Variants in GARNL3 observed in about 807,000 individuals in gnomAD.
GARNL3 encodes GTPase-activating Rap/Ran-GAP domain-like protein 3.
Under a neutral mutation model 125.0 loss-of-function variants are expected in GARNL3, and 63 were observed. That is an observed-to-expected ratio of 0.50 (90% CI 0.41 to 0.62). The LOEUF (loss-of-function observed/expected upper bound fraction) is 0.62, where lower values mean the gene tolerates loss of function less well. Among genes scored for constraint, GARNL3 ranks in the 20% least tolerant of loss-of-function variants. The pLI, the probability that GARNL3 is intolerant of heterozygous loss-of-function variation, is 0.00. For missense variants in GARNL3, 994 were observed against 1,244.0 expected, an observed-to-expected ratio of 0.80 and a Z score of 3.02; for synonymous variants, 439 against 457.5, an observed-to-expected ratio of 0.96 and a Z score of 0.52.
intron 7 of GARNL3, among the ~76,000 whole-genome samples, chr9:127,328,129 C>A (rs1426566743): frequency 6.6e-6 from 1 of 152,208 alleles, no homozygotes; most frequent in African/African-American, 2.4e-5. Context: ...CGCCTGTTCA[C>A]TGTTCATTGC....
chr9:127,299,996 G>A, intron 2 of GARNL3: 1 of 219,184 alleles, frequency 4.6e-6, no homozygotes, highest in South Asian at 7.6e-5. Flanking sequence ...GAGCCACCAT[G>A]TCCGGCCATA....
chr9:127,376,515 G>A (rs925149138), intron 22 of GARNL3, among the ~76,000 whole-genome samples: 1 of 152,098 alleles, frequency 6.6e-6, no homozygotes, highest in Non-Finnish European at 1.5e-5. Flanking sequence ...ACCGTGCTGG[G>A]CCAGCCTCTT....
At chr9:127,323,453 G>GC (rs2131526048) in intron 6 of GARNL3, among the ~76,000 whole-genome samples, 1 of 152,302 alleles carries the variant, frequency 6.6e-6, no homozygotes, top group South Asian at 2.1e-4. Flanking sequence ...CCTGAGCTCA[G>GC]CCGGGACTCC....
chr9:127,370,370 A>G (rs956915511), intron 22 of GARNL3, among the ~76,000 whole-genome samples: 2 of 152,232 alleles, frequency 1.3e-5, no homozygotes, highest in African/African-American at 4.8e-5. Flanking sequence ...ACAGGATTCC[A>G]TATGACAGGA....
chr9:127,383,033 G>C (rs1232615835), intron 22 of GARNL3, among the ~76,000 whole-genome samples: 1 of 152,218 alleles, frequency 6.6e-6, no homozygotes, highest in Non-Finnish European at 1.5e-5. Context: ...CAGTCACGCA[G>C]ACCTGTGTTC....
intron 16 of GARNL3, among the ~76,000 whole-genome samples, chr9:127,347,731 A>G (rs114252862): frequency 0.012 from 1,814 of 152,304 alleles, 47 homozygotes; most frequent in African/African-American, 0.042. Context: ...CAGAATTGCC[A>G]GAAATTTTCT....
chr9:127,337,972 G>T, intron 11 of GARNL3, 144 bp from the exon 12 acceptor site: 1 of 661,790 alleles, frequency 1.5e-6, no homozygotes, highest in South Asian at 1.9e-5. Flanking sequence ...AAAGAAGTAT[G>T]GGTTCTGTCC....
chr9:127,382,449 C>T (rs997830473), intron 22 of GARNL3, among the ~76,000 whole-genome samples: 1 of 151,266 alleles, frequency 6.6e-6, no homozygotes, highest in East Asian at 1.9e-4. Context: ...CTTGTCTCTA[C>T]TGAAAAAAAA....
intron 22 of GARNL3, among the ~76,000 whole-genome samples, chr9:127,378,517 G>A (rs1027880935): frequency 6.6e-6 from 1 of 150,886 alleles, no homozygotes; most frequent in African/African-American, 2.4e-5. Flanking sequence ...AACCCAGGAG[G>A]CGGAGGTTGT....
At chr9:127,278,715 C>T (rs1417518547) in intron 1 of GARNL3, among the ~76,000 whole-genome samples, 1 of 152,162 alleles carries the variant, frequency 6.6e-6, no homozygotes, top group East Asian at 1.9e-4. Context: ...ATTCTATTCT[C>T]TTACAGTTCT....
At chr9:127,320,109 C>A (rs533570999) in intron 5 of GARNL3, among the ~76,000 whole-genome samples, 2 of 152,292 alleles carry the variant, frequency 1.3e-5, no homozygotes, top group East Asian at 3.8e-4. Flanking sequence ...TTCTGAGCTT[C>A]AATTTCCTGG....
intron 4 of GARNL3, among the ~76,000 whole-genome samples, chr9:127,314,443 A>G (rs2065178767): frequency 6.6e-6 from 1 of 152,002 alleles, no homozygotes; most frequent in Non-Finnish European, 1.5e-5. Context: ...GCATCCCACA[A>G]TGCCTTCAAA....
At chr9:127,300,898 G>A in intron 2 of GARNL3, 1 of 244,286 alleles carries the variant, frequency 4.1e-6, no homozygotes, top group South Asian at 4.7e-5. Context: ...AGGACTCACA[G>A]TGGGTAATCA....
chr9:127,361,387 G>A (rs765506900), intron 21 of GARNL3, among the ~76,000 whole-genome samples: 1 of 151,994 alleles, frequency 6.6e-6, no homozygotes, highest in East Asian at 1.9e-4. Context: ...AATTACAGGC[G>A]TGAGCCACCA....
chr9:127,263,406 A>G (rs975398312), upstream of GARNL3, among the ~76,000 whole-genome samples: 42 of 152,138 alleles, frequency 2.8e-4, no homozygotes, highest in Non-Finnish European at 1.8e-4. Flanking sequence ...GGGCAGACAC[A>G]GCATTTAGTC....
At position 127,325,104 on chromosome 9, in the gene GARNL3, T is replaced by G. The variant is rs747088577; in HGVS notation, c.594+9T>G. 5 of 1,612,594 alleles carry G rather than the reference T, an allele frequency of 3.1e-6. No homozygotes were observed. The Admixed American group carries it at 8.3e-5, about 27-fold the overall frequency. On this transcript the variant is annotated intron_variant, in intron 7 of 27. Coordinates refer to ENST00000373387, the MANE Select transcript of GARNL3 (RefSeq NM_032293.5). ...TTCTTGAAGAACAAGAGGTGAGTAA[T>G]TCTATGGAGATATTTGCACCTGCTC...
chr9:127,355,680 G>A (rs1164888703), intron 20 of GARNL3, among the ~76,000 whole-genome samples: 1 of 152,196 alleles, frequency 6.6e-6, no homozygotes. Flanking sequence ...TGCTGTTCTA[G>A]GTACGAAGGA....
chr9:127,237,751 T>G (rs532200288), intron 1 of GARNL3, among the ~76,000 whole-genome samples: 11 of 152,326 alleles, frequency 7.2e-5, no homozygotes, highest in African/African-American at 2.6e-4. Flanking sequence ...GAGGTAGACT[T>G]TCCAACCATA....
intron 1 of GARNL3, among the ~76,000 whole-genome samples, chr9:127,231,189 G>A (rs1188089416): frequency 6.9e-6 from 1 of 145,762 alleles, no homozygotes; most frequent in Non-Finnish European, 1.5e-5. Flanking sequence ...CTAGTAGCTG[G>A]GACTACAGGC....
Sources: allele counts gnomAD v4.1 joint callset (sites outside exome capture counted in the v4.1 genomes callset), GRCh38; gene constraint gnomAD v4.1.1; transcripts MANE v1.5; gene names NCBI Gene and HGNC (gene_info 2026-07-23, HGNC 2026-07-21).